The following NELL1 variants were observed in gnomAD, a reference collection of about 807,000 sequenced individuals.
The protein encoded by NELL1 is protein kinase C-binding protein NELL1.
In NELL1, 76 loss-of-function variants were observed where a neutral mutation model predicts 107.4. The observed-to-expected ratio is 0.71, with a 90% confidence interval of 0.59 to 0.86. The LOEUF is 0.86. Among genes scored for constraint, NELL1 ranks in the 40% least tolerant of loss-of-function variants. NELL1 has a pLI of 0.00. For missense variants in NELL1, 1,024 were observed against 1,005.5 expected (o/e 1.02, Z -0.25); for synonymous variants, 353 against 341.2 (o/e 1.03, Z -0.38).
At chr11:20,747,494 A>C (rs1350071915) in intron 2 of NELL1, among the ~76,000 whole-genome samples, 1 of 152,172 alleles carries the variant, frequency 6.6e-6, no homozygotes, top group African/African-American at 2.4e-5. Context: ...TCTGAAACTG[A>C]GTAAATTATA....
chr11:21,200,853 G>A (rs866540466), intron 13 of NELL1, among the ~76,000 whole-genome samples: 6 of 152,186 alleles, frequency 3.9e-5, no homozygotes, highest in Admixed American at 2.0e-4. Context: ...TTCTACATAC[G>A]GCTAGCCAGT....
intron 12 of NELL1, among the ~76,000 whole-genome samples, chr11:21,034,142 G>A (rs1245309082): frequency 6.6e-6 from 1 of 151,940 alleles, no homozygotes; most frequent in Non-Finnish European, 1.5e-5. Flanking sequence ...TATAGATTTG[G>A]GTTTTACATT....
At chr11:21,458,786 C>A (rs1853817666) in intron 15 of NELL1, among the ~76,000 whole-genome samples, 1 of 152,056 alleles carries the variant, frequency 6.6e-6, no homozygotes, top group Admixed American at 6.6e-5. Context: ...GGTGCAGTAT[C>A]ATCTCTACCT....
At chr11:21,435,428 ATTGTTTT>A (rs1179619269) in intron 15 of NELL1, among the ~76,000 whole-genome samples, 2 of 120,474 alleles carry the variant, frequency 1.7e-5, no homozygotes, top group South Asian at 2.5e-4. Context: ...GTTAGCTTTT[ATTGTTTT>A]TTGTTTTTTG....
At chr11:21,400,403 A>G (rs1852071493) in intron 15 of NELL1, among the ~76,000 whole-genome samples, 1 of 151,866 alleles carries the variant, frequency 6.6e-6, no homozygotes, top group Non-Finnish European at 1.5e-5. Context: ...CTAGGTCTCT[A>G]TTTTAGAGCC....
At chr11:20,895,188 C>T (rs1334259931) in intron 5 of NELL1, among the ~76,000 whole-genome samples, 2 of 123,382 alleles carry the variant, frequency 1.6e-5, no homozygotes, top group African/African-American at 6.6e-5. Flanking sequence ...AGGAGAATGG[C>T]GTGAACCCGG....
At chr11:21,517,058 G>A (rs892893162) in intron 15 of NELL1, among the ~76,000 whole-genome samples, 8 of 152,192 alleles carry the variant, frequency 5.3e-5, no homozygotes, top group African/African-American at 1.7e-4. Context: ...CAAAGTGCTG[G>A]GATTAGAGGC....
chr11:20,919,795 T>G (rs1850337915), intron 7 of NELL1, among the ~76,000 whole-genome samples: 4 of 152,240 alleles, frequency 2.6e-5, no homozygotes, highest in Middle Eastern at 3.4e-3. Flanking sequence ...AATGTATAAT[T>G]TATTTCAAGG....
At chr11:21,114,691 TCA>T (rs1325772125) in intron 13 of NELL1, among the ~76,000 whole-genome samples, 1 of 151,964 alleles carries the variant, frequency 6.6e-6, no homozygotes, top group Non-Finnish European at 1.5e-5. Flanking sequence ...GCTGGAGAGT[TCA>T]GATTGACACA....
chr11:21,323,110 A>C (rs867450121), intron 14 of NELL1, among the ~76,000 whole-genome samples: 62 of 152,232 alleles, frequency 4.1e-4, no homozygotes, highest in African/African-American at 1.4e-3. Flanking sequence ...TCGTCTGTAC[A>C]AAACAATGAA....
At chr11:21,191,453 C>A (rs939684499) in intron 13 of NELL1, among the ~76,000 whole-genome samples, 1 of 151,840 alleles carries the variant, frequency 6.6e-6, no homozygotes, top group Admixed American at 6.6e-5. Flanking sequence ...AAGAAAACAA[C>A]ACTGCCAGTA....
intron 14 of NELL1, among the ~76,000 whole-genome samples, chr11:21,274,060 C>T (rs1307239834): frequency 4.6e-5 from 7 of 152,100 alleles, no homozygotes; most frequent in Non-Finnish European, 1.0e-4. Flanking sequence ...CGATATTAAC[C>T]TTAAATGTAA....
intron 14 of NELL1, among the ~76,000 whole-genome samples, chr11:21,268,422 A>C (rs1848676843): frequency 1.3e-5 from 2 of 152,258 alleles, no homozygotes; most frequent in African/African-American, 4.8e-5. Context: ...TATTTTATTT[A>C]GCACAGCCTG....
chr11:20,806,009 T>A (rs1444298925), intron 3 of NELL1, among the ~76,000 whole-genome samples: 1 of 152,192 alleles, frequency 6.6e-6, no homozygotes, highest in East Asian at 1.9e-4. Context: ...TCTACTTAAA[T>A]TATAAGTAGT....
intron 3 of NELL1, among the ~76,000 whole-genome samples, 157 bp downstream of exon 3, chr11:20,783,987 T>G (rs2133982857): frequency 6.6e-6 from 1 of 152,362 alleles, no homozygotes; most frequent in South Asian, 2.1e-4. Flanking sequence ...CATTAAGAAT[T>G]TACTTTGGTC....
At chr11:21,263,601 G>A (rs146533209) in intron 14 of NELL1, among the ~76,000 whole-genome samples, 231 of 152,016 alleles carry the variant, frequency 1.5e-3, no homozygotes, top group Non-Finnish European at 2.7e-3. Flanking sequence ...CTAGGCTGGT[G>A]GAGAGGCAGT....
At chr11:21,398,616 A>T (rs1852031219) in intron 15 of NELL1, among the ~76,000 whole-genome samples, 1 of 151,746 alleles carries the variant, frequency 6.6e-6, no homozygotes, top group Non-Finnish European at 1.5e-5. Context: ...TGAGGAGGGC[A>T]GTTAGAAGGA....
chr11:20,933,201 G>A (rs1294540771), intron 9 of NELL1, among the ~76,000 whole-genome samples: 3 of 152,224 alleles, frequency 2.0e-5, no homozygotes, highest in African/African-American at 7.2e-5. Flanking sequence ...AGGTGTTGAG[G>A]CTGGCAGGCA....
chr11:20,862,444 T>A (rs1024751987), intron 4 of NELL1, among the ~76,000 whole-genome samples: 5 of 152,158 alleles, frequency 3.3e-5, no homozygotes, highest in African/African-American at 1.2e-4. Flanking sequence ...CTGATGAATC[T>A]ACTATGACAC....
Sources: allele counts gnomAD v4.1 joint callset (sites outside exome capture counted in the v4.1 genomes callset), GRCh38; gene constraint gnomAD v4.1.1; transcripts MANE v1.5; gene names NCBI Gene and HGNC (gene_info 2026-07-23, HGNC 2026-07-21).